The following TTC34 variants were observed in gnomAD, a reference collection of about 807,000 sequenced individuals.
TTC34 encodes the protein tetratricopeptide repeat domain 34.
In TTC34, 44 loss-of-function variants were observed where a neutral mutation model predicts 40.7. The ratio of observed to expected loss-of-function variants is 1.08; its 90% CI spans 0.85 to 1.39. The LOEUF is 1.39. Ranked by LOEUF, TTC34 falls within the 40% of genes most tolerant of loss-of-function variation. TTC34 has a pLI of 0.00. For synonymous variants in TTC34, 422 were observed against 398.6 expected (o/e 1.06, Z -0.70); for missense variants, 884 against 838.0 (o/e 1.05, Z -0.68).
At chr1:2,638,597 G>C (rs759438542) in exon 9 of TTC34, 1 of 152,362 alleles carries the variant, frequency 6.6e-6, no homozygotes, top group African/African-American at 2.4e-5. Context: ...GCCCAGGGAA[G>C]TGGTGGATCT....
In TTC34 at chr1:2,759,916, C is replaced by G. The variant is rs1311791402; in HGVS notation, c.2226+23693G>C. On this transcript the variant is annotated intron_variant, in intron 6 of 8. Coordinates refer to ENST00000401095, the Ensembl canonical transcript of TTC34. ...GCATCTGACAGCCTGGAACATCACC[C>G]TGCACCCCCAGGTGAGCATCTGACA... Among the ~76,000 whole-genome samples the G allele has an allele frequency of 2.9e-4, 42 of 142,432 alleles. 1 individual carries two copies. The highest frequency in any genetic ancestry group is 8.8e-4 in the African/African-American group (30 of 34,132). 93.4% of individuals were successfully genotyped at this position (142,432 alleles called of 152,430 possible).
intron 6 of TTC34, among the ~76,000 whole-genome samples, chr1:2,756,722 T>C (rs1354907098): frequency 5.7e-5 from 2 of 35,076 alleles, no homozygotes; most frequent in Non-Finnish European, 9.3e-5. Context: ...GGTGAGCATC[T>C]GACAGGCTGG....
chr1:2,775,467 C>G (rs1389769028), intron 6 of TTC34: 1 of 148,150 alleles, frequency 6.7e-6, no homozygotes, highest in African/African-American at 2.6e-5. Context: ...GAGCAGTACC[C>G]ACACCCCCAG....
At chr1:2,650,812 A>G (rs185085554) in intron 6 of TTC34, among the ~76,000 whole-genome samples, 2,085 of 147,746 alleles carry the variant, frequency 0.014, 22 homozygotes, top group Admixed American at 0.024. Context: ...TGACAGCAGG[A>G]AACAGCACTT....
At chr1:2,798,856 T>A (rs1486681056) in intron 2 of TTC34, among the ~76,000 whole-genome samples, 1 of 96,664 alleles carries the variant, frequency 1.0e-5, no homozygotes, top group Non-Finnish European at 2.0e-5. Flanking sequence ...CCTCCAAGCC[T>A]CCCAGCCTCT....
chr1:2,695,190 CA>C (rs1361385120), intron 6 of TTC34, among the ~76,000 whole-genome samples: 1 of 74,960 alleles, frequency 1.3e-5, no homozygotes, highest in African/African-American at 4.7e-5. Flanking sequence ...GAACAGCACC[CA>C]TACGCCCAGA....
At chr1:2,793,096 T>G (rs1053469141) in intron 2 of TTC34, among the ~76,000 whole-genome samples, 1 of 152,248 alleles carries the variant, frequency 6.6e-6, no homozygotes, top group East Asian at 1.9e-4. Flanking sequence ...AGATAGACAA[T>G]TTTTGACTGG....
At chr1:2,798,993 C>G (rs558541211) in intron 2 of TTC34, among the ~76,000 whole-genome samples, 47 of 145,938 alleles carry the variant, frequency 3.2e-4, no homozygotes, top group South Asian at 2.5e-3. Flanking sequence ...CTCCAAGCCT[C>G]CCAGCCTCCC....
exon 8 of TTC34, chr1:2,644,414 T>C (rs1465558297): frequency 4.6e-6 from 7 of 1,535,916 alleles, no homozygotes; most frequent in Non-Finnish European, 6.1e-6. Flanking sequence ...GGGCCCGGGC[T>C]GCCTCTGACG....
chr1:2,652,563 A>C (rs1570754102), intron 6 of TTC34, among the ~76,000 whole-genome samples: 6 of 138,980 alleles, frequency 4.3e-5, no homozygotes, highest in African/African-American at 8.4e-5. Context: ...CAGCACCCAC[A>C]CCCCCAGGTG....
At chr1:2,753,384 G>T (rs1275035828) in intron 6 of TTC34, among the ~76,000 whole-genome samples, 1 of 119,870 alleles carries the variant, frequency 8.3e-6, no homozygotes, top group Admixed American at 8.5e-5. Context: ...ACCCCCAGGC[G>T]AGCATCTGAC....
chr1:2,755,056 T>A (rs1641460167), intron 6 of TTC34, among the ~76,000 whole-genome samples: 1 of 34,396 alleles, frequency 2.9e-5, no homozygotes, highest in Non-Finnish European at 4.5e-5. Flanking sequence ...AACAGCACCC[T>A]GCACCCCCAG....
Position 2,795,604 on chromosome 1 carries a change from C to T in TTC34, c.784+4440G>A, listed in dbSNP as rs992209644. Among the ~76,000 whole-genome samples the T allele has an allele frequency of 3.9e-5, 6 of 152,292 alleles. No homozygotes were observed. In the East Asian group the frequency reaches 5.8e-4, roughly 15 times the overall value. ...ATATTCTACTGGTCCCAGCAAGGCA[C>T]AAGGCCATGCCAGATTCTGTACGGA... On this transcript the variant is annotated intron_variant, in intron 2 of 8. Transcript: ENST00000401095.
chr1:2,761,342 C>G (rs1450488412), intron 6 of TTC34, among the ~76,000 whole-genome samples: 1 of 51,688 alleles, frequency 1.9e-5, no homozygotes, highest in Non-Finnish European at 3.3e-5. Flanking sequence ...GAGTATCTGA[C>G]AGCCTGGAGC....
At chr1:2,657,481 G>A (rs1474895459) in intron 6 of TTC34, among the ~76,000 whole-genome samples, 19 of 92,350 alleles carry the variant, frequency 2.1e-4, no homozygotes, top group Non-Finnish European at 4.5e-4. Context: ...GCATCTGACC[G>A]AACGGAGCAG....
At chr1:2,789,824 T>G (rs960176372) in exon 3 of TTC34, 37 of 441,288 alleles carry the variant, frequency 8.4e-5, no homozygotes, top group African/African-American at 7.2e-4. Context: ...CTGGAAGTCC[T>G]CCATGGCGCG....
At chr1:2,787,404 G>A in intron 4 of TTC34, 77 bp downstream of exon 4, 1 of 1,341,990 alleles carries the variant, frequency 7.5e-7, no homozygotes, top group Non-Finnish European at 9.9e-7. Context: ...CCAGCGCCAG[G>A]GCCACGGGAG....
chr1:2,656,404 C>T (rs1191814915), intron 6 of TTC34, among the ~76,000 whole-genome samples: 1 of 6,466 alleles, frequency 1.5e-4, no homozygotes, highest in Non-Finnish European at 3.0e-4. Flanking sequence ...CAGCATGTAA[C>T]AGCACCCACA....
intron 6 of TTC34, among the ~76,000 whole-genome samples, chr1:2,749,675 CA>C (rs1416760210): frequency 0.014 from 922 of 63,816 alleles, 21 homozygotes; most frequent in Middle Eastern, 0.022. Flanking sequence ...CCTGGAGCAG[CA>C]ACCTGCACAC....
Sources: gnomAD v4.1 joint callset for allele counts (sites outside exome capture counted in the v4.1 genomes callset) on GRCh38, gnomAD v4.1.1 for gene constraint, MANE v1.5 for transcripts, NCBI Gene and HGNC (gene_info 2026-07-23, HGNC 2026-07-21) for gene names.